The following DYRK1A variants were observed in gnomAD, a reference collection of about 807,000 sequenced individuals.
DYRK1A encodes dual specificity tyrosine-phosphorylation-regulated kinase 1A.
Under a neutral mutation model 79.7 loss-of-function variants are expected in DYRK1A, and 9 were observed. The observed-to-expected ratio is 0.11, with a 90% CI of 0.07 to 0.20. The LOEUF (loss-of-function observed/expected upper bound fraction) is 0.20, where lower values mean the gene tolerates loss of function less well. DYRK1A is among the 10% of genes least tolerant of loss of function. The probability of loss-of-function intolerance (pLI) is 1.00; values close to 1 mark genes in which losing one functional copy is unlikely to be tolerated. For missense variants in DYRK1A, 622 were observed against 956.0 expected (o/e 0.65, Z 4.61); for synonymous variants, 349 against 329.7 (o/e 1.06, Z -0.63).
intron 3 of DYRK1A, among the ~76,000 whole-genome samples, chr21:37,473,555 G>T (rs2052299665): frequency 6.6e-6 from 1 of 152,144 alleles, no homozygotes; most frequent in Admixed American, 6.5e-5. Context: ...AAAGTTTCTT[G>T]CCCCACGGAT....
At chr21:37,438,265 G>C (rs1383253415) in intron 2 of DYRK1A, among the ~76,000 whole-genome samples, 1 of 152,012 alleles carries the variant, frequency 6.6e-6, no homozygotes, top group African/African-American at 2.4e-5. Context: ...TCCATGGCTT[G>C]TCTTTTTATT....
intron 2 of DYRK1A, among the ~76,000 whole-genome samples, chr21:37,421,554 A>G (rs1439175116): frequency 2.0e-5 from 3 of 152,284 alleles, no homozygotes; most frequent in Non-Finnish European, 4.4e-5. Context: ...TCTATCATGC[A>G]TGCACACAGG....
At chr21:37,472,663 A>G in intron 2 of DYRK1A, 21 bp from the exon 3 acceptor site, 3 of 1,549,916 alleles carry the variant, frequency 1.9e-6, no homozygotes, top group Non-Finnish European at 2.6e-6. Flanking sequence ...TTTCCTTTAA[A>G]CCTCACTTAT....
intron 2 of DYRK1A, among the ~76,000 whole-genome samples, chr21:37,427,277 A>G (rs1224490357): frequency 1.3e-5 from 2 of 152,246 alleles, no homozygotes; most frequent in East Asian, 1.9e-4. Context: ...ACACCTGGCT[A>G]ACTTCTTTAT....
intron 1 of DYRK1A, among the ~76,000 whole-genome samples, chr21:37,399,998 C>A (rs545098443): frequency 1.3e-5 from 2 of 152,272 alleles, no homozygotes; most frequent in African/African-American, 4.8e-5. Context: ...TATTCTCTTA[C>A]AGTTCTGGAG....
intron 1 of DYRK1A, among the ~76,000 whole-genome samples, chr21:37,376,021 A>G (rs967469492): frequency 6.6e-6 from 1 of 151,976 alleles, no homozygotes; most frequent in Admixed American, 6.6e-5. Context: ...GGAGATGAAG[A>G]ACAGAATGAC....
chr21:37,442,217 G>A (rs1342185055), intron 2 of DYRK1A, among the ~76,000 whole-genome samples: 1 of 151,638 alleles, frequency 6.6e-6, no homozygotes, highest in African/African-American at 2.4e-5. Flanking sequence ...TTGTGCTTGT[G>A]GTTTGTTGAA....
chr21:37,407,276 A>T (rs1401765588), intron 1 of DYRK1A, among the ~76,000 whole-genome samples: 2 of 152,198 alleles, frequency 1.3e-5, no homozygotes, highest in African/African-American at 4.8e-5. Context: ...GTAATTTTAT[A>T]CAATATTTTC....
chr21:37,474,574 A>G (rs1160170215), intron 3 of DYRK1A, among the ~76,000 whole-genome samples: 1 of 152,306 alleles, frequency 6.6e-6, no homozygotes, highest in East Asian at 1.9e-4. Context: ...CCGGCTCATG[A>G]TCTGGTTGTA....
chr21:37,449,891 C>T lies in DYRK1A; in HGVS notation c.11-22793C>T, dbSNP rs562982956. Among the ~76,000 whole-genome samples, 4 of 152,138 alleles carry T rather than the reference C, an allele frequency of 2.6e-5. No homozygotes were observed. In the South Asian group the frequency reaches 8.3e-4, roughly 32 times the overall value. ...ATTCCTGGCCAAGTTGGGCAGAAAA[C>T]AAATGTAATGGAAGGCTATATGTTA... On this transcript the variant is annotated intron_variant, in intron 2 of 11. Coordinates refer to ENST00000647188, the MANE Select transcript of DYRK1A (RefSeq NM_001347721.2).
chr21:37,446,294 A>G (rs767922701), intron 2 of DYRK1A, among the ~76,000 whole-genome samples: 3 of 152,194 alleles, frequency 2.0e-5, no homozygotes, highest in Non-Finnish European at 2.9e-5. Flanking sequence ...TTAGCTCTGA[A>G]AACATATTTG....
At chr21:37,492,964 G>A (rs1190607853) in intron 7 of DYRK1A, 53 bp from the exon 8 acceptor site, 2 of 1,425,456 alleles carry the variant, frequency 1.4e-6, no homozygotes, top group East Asian at 2.3e-5. Context: ...TTAATCCAAT[G>A]CTGACTGCAG....
intron 1 of DYRK1A, among the ~76,000 whole-genome samples, chr21:37,380,967 G>A (rs368744062): frequency 2.0e-5 from 3 of 152,194 alleles, no homozygotes; most frequent in East Asian, 1.9e-4. Flanking sequence ...TGCGCTCTTC[G>A]TTTTAAAAAT....
intron 2 of DYRK1A, among the ~76,000 whole-genome samples, chr21:37,436,526 T>C (rs1451547385): frequency 1.3e-5 from 2 of 152,148 alleles, no homozygotes; most frequent in Non-Finnish European, 2.9e-5. Flanking sequence ...ATAGGACTCT[T>C]TTGCCTTCTT....
intron 1 of DYRK1A, among the ~76,000 whole-genome samples, chr21:37,397,204 T>C (rs2049973561): frequency 6.6e-6 from 1 of 152,240 alleles, no homozygotes; most frequent in African/African-American, 2.4e-5. Context: ...CGTCATGTGC[T>C]GGGCTACCAT....
chr21:37,414,069 A>G (rs1206123252), intron 1 of DYRK1A, among the ~76,000 whole-genome samples: 1 of 152,102 alleles, frequency 6.6e-6, no homozygotes, highest in Non-Finnish European at 1.5e-5. Flanking sequence ...ATAAAGATAT[A>G]TATGTATATA....
rs10590534 is a variant in DYRK1A at position 37,519,736 on chromosome 21, G to GTTTTTTTTTTTTTTTTTTTTTTTTTTTT, written c.*7228_*7229insTTTTTTTTTTTTTTTTTTTTTTTTTTTT. 2 of 85,800 alleles carry GTTTTTTTTTTTTTTTTTTTTTTTTTTTT rather than the reference G, an allele frequency of 2.3e-5. No homozygotes were observed. Among genetic ancestry groups the GTTTTTTTTTTTTTTTTTTTTTTTTTTTT allele is most frequent in the African/African-American group, 9.7e-5 (2 of 20,578 alleles). The allele number at this position is 85,800 out of a possible 1,614,324, so 5.3% of individuals were successfully genotyped here. A position where few individuals can be genotyped will look rare whatever the true frequency, so the allele number is the denominator to read the frequency against. The stretch of plus-strand genomic sequence containing the variant: ...AGAGTTTTGAGGTTTGTTGTGGGAA[G>GTTTTTTTTTTTTTTTTTTTTTTTTTTTT]TTTTTTTTTTTTTTTTTTTTTTTGA... On this transcript the variant is annotated 3_prime_UTR_variant, in exon 12 of 12. Transcript: ENST00000647188.
intron 1 of DYRK1A, among the ~76,000 whole-genome samples, chr21:37,390,231 G>C (rs979392838): frequency 1.3e-5 from 2 of 152,086 alleles, no homozygotes; most frequent in African/African-American, 4.8e-5. Flanking sequence ...ATCCTGGATG[G>C]GGTTTGGGCC....
rs141898865 is a variant in DYRK1A at position 37,385,953 on chromosome 21, CCTT to C, written c.-77+18329_-77+18331del. On this transcript the variant is annotated intron_variant, in intron 1 of 11. Coordinates refer to ENST00000647188, the MANE Select transcript of DYRK1A (RefSeq NM_001347721.2). ...GCTCACATTAGCATATTGTAGGAAA[CCTT>C]CTTTGCACCCGTTAACATAGTTAGG... 4.2e-3 allele frequency among the ~76,000 whole-genome samples: 642 copies of C among 152,244 alleles called. 4 individuals are homozygous for C. The highest frequency in any genetic ancestry group is 0.014 in the African/African-American group (601 of 41,512).
Sources: gnomAD v4.1 joint callset for allele counts (sites outside exome capture counted in the v4.1 genomes callset) on GRCh38, gnomAD v4.1.1 for gene constraint, MANE v1.5 for transcripts, NCBI Gene and HGNC (gene_info 2026-07-23, HGNC 2026-07-21) for gene names.